The following OPA3 variants were observed in gnomAD, a reference collection of about 807,000 sequenced individuals.
The protein encoded by OPA3 is optic atrophy 3 protein.
Under a neutral mutation model 4.0 loss-of-function variants are expected in OPA3, and 6 were observed. The observed-to-expected ratio is 1.51, with a 90% CI of 0.83 to 2.99. OPA3 has a LOEUF of 2.99. OPA3 is among the 30% of genes most tolerant of loss of function. The pLI is 0.00. For synonymous variants in OPA3, 105 were observed against 117.1 expected (o/e 0.90, Z 0.67); for missense variants, 235 against 256.2 (o/e 0.92, Z 0.56).
At chr19:45,529,743 T>C (rs992615389) in intron 1 of OPA3, among the ~76,000 whole-genome samples, 32 of 152,178 alleles carry the variant, frequency 2.1e-4, no homozygotes, top group African/African-American at 7.5e-4. Context: ...TAATTTTTCT[T>C]TTTTTGAGCC....
At chr19:45,560,607 CT>C (rs1183069255) in intron 1 of OPA3, among the ~76,000 whole-genome samples, 1 of 152,114 alleles carries the variant, frequency 6.6e-6, no homozygotes, top group Non-Finnish European at 1.5e-5. Context: ...TCCAGGCCCC[CT>C]CTACACATCT....
intron 1 of OPA3, among the ~76,000 whole-genome samples, chr19:45,566,107 AT>A (rs1292457314): frequency 6.6e-6 from 1 of 152,176 alleles, no homozygotes; most frequent in Non-Finnish European, 1.5e-5. Context: ...ATCAAGTGGG[AT>A]TTCTGCAGGA....
At chr19:45,542,289 C>A (rs138966198), downstream of OPA3, among the ~76,000 whole-genome samples, 61 of 152,292 alleles carry the variant, frequency 4.0e-4, no homozygotes, top group East Asian at 0.011. Flanking sequence ...GCCCTGCCAA[C>A]CTGTTCCCGG....
chr19:45,572,805 C>CTATATATATAGATATATATCTCGA (rs1196281118), intron 1 of OPA3, among the ~76,000 whole-genome samples: 2 of 83,022 alleles, frequency 2.4e-5, no homozygotes, highest in East Asian at 8.4e-4. Flanking sequence ...ATATATCATA[C>CTATATATATAGATATATATCTCGA]TATATATATA....
At chr19:45,583,912 A>T (rs1969892621) in intron 1 of OPA3, among the ~76,000 whole-genome samples, 1 of 152,072 alleles carries the variant, frequency 6.6e-6, no homozygotes, top group Non-Finnish European at 1.5e-5. Context: ...CACTTTCCCG[A>T]CCACTCTGGG....
intron 1 of OPA3, among the ~76,000 whole-genome samples, chr19:45,532,726 G>T (rs564904522): frequency 6.6e-6 from 1 of 152,006 alleles, no homozygotes; most frequent in East Asian, 1.9e-4. Context: ...TGTCCATTCG[G>T]CTTTAAAATT....
exon 2 of OPA3, chr19:45,529,249 A>G (rs1481272922): frequency 6.2e-7 from 1 of 1,613,646 alleles, no homozygotes; most frequent in African/African-American, 1.3e-5. Flanking sequence ...CTCCCTGGCA[A>G]CACGTCGCTC....
At chr19:45,575,240 C>A (rs999846985) in intron 1 of OPA3, among the ~76,000 whole-genome samples, 2 of 151,896 alleles carry the variant, frequency 1.3e-5, no homozygotes, top group Non-Finnish European at 2.9e-5. Context: ...GAAGCTGGGA[C>A]CACAGGTACC....
chr19:45,536,854 T>G (rs1969124315), intron 1 of OPA3, among the ~76,000 whole-genome samples: 1 of 152,044 alleles, frequency 6.6e-6, no homozygotes, highest in Non-Finnish European at 1.5e-5. Flanking sequence ...AACCTTAACA[T>G]CTACCTCACA....
At chr19:45,530,134 A>G (rs1969043298) in intron 1 of OPA3, among the ~76,000 whole-genome samples, 1 of 152,108 alleles carries the variant, frequency 6.6e-6, no homozygotes, top group Non-Finnish European at 1.5e-5. Context: ...TGGGTGGCTC[A>G]GTTGAGATCA....
exon 2 of OPA3, chr19:45,529,372 G>A (rs774673258): frequency 1.7e-5 from 28 of 1,614,216 alleles, no homozygotes; most frequent in Non-Finnish European, 2.4e-5. Flanking sequence ...CAGCTCGGCG[G>A]CTGCACCCTC....
At chr19:45,556,428 T>C (rs1199683853) in intron 1 of OPA3, among the ~76,000 whole-genome samples, 1 of 151,848 alleles carries the variant, frequency 6.6e-6, no homozygotes, top group Non-Finnish European at 1.5e-5. Context: ...TCCATCACAG[T>C]TCACTGCAAC....
chr19:45,562,338 C>A, intron 1 of OPA3, among the ~76,000 whole-genome samples: 3 of 73,960 alleles, frequency 4.1e-5, no homozygotes, highest in African/African-American at 6.0e-5. Context: ...AGTGAGACTC[C>A]ATCTCAAAAA....
Position 45,553,177 on chromosome 19 carries a change from G to T in OPA3, c.*337C>A. 7.7e-7 allele frequency: 1 copy of T among 1,297,100 alleles called. No homozygotes were observed. The highest frequency in any genetic ancestry group is 9.9e-7 in the Non-Finnish European group (1 of 1,014,836). 80.3% of individuals were successfully genotyped at this position (1,297,100 alleles called of 1,614,324 possible). ...ACTGATCAGGTAAACCGGGGGTGGG[G>T]GTAACAATAACACATTGATTCAGCT... On this transcript the variant is annotated 3_prime_UTR_variant, in exon 2 of 2. Transcript: ENST00000263275.
exon 2 of OPA3, chr19:45,528,952 G>T: frequency 7.2e-7 from 1 of 1,381,744 alleles, no homozygotes; most frequent in Non-Finnish European, 9.8e-7. Context: ...ACTGGGTGGT[G>T]TCAGCTGGGC....
intron 1 of OPA3, among the ~76,000 whole-genome samples, chr19:45,570,614 G>C (rs1465174369): frequency 6.6e-6 from 1 of 152,170 alleles, no homozygotes; most frequent in Non-Finnish European, 1.5e-5. Flanking sequence ...TTGAACCTGG[G>C]AGGTGGAGGC....
chr19:45,573,468 A>C (rs1463819332), intron 1 of OPA3, among the ~76,000 whole-genome samples: 2 of 152,160 alleles, frequency 1.3e-5, no homozygotes, highest in Non-Finnish European at 2.9e-5. Context: ...TAAACAAATA[A>C]AATGAATAAA....
chr19:45,531,689 A>T (rs1969062724), intron 1 of OPA3, among the ~76,000 whole-genome samples: 1 of 152,206 alleles, frequency 6.6e-6, no homozygotes, highest in Non-Finnish European at 1.5e-5. Context: ...ATGAGATGAT[A>T]AATTCTAGCC....
intron 1 of OPA3, among the ~76,000 whole-genome samples, chr19:45,581,421 T>C (rs1191954399): frequency 1.3e-5 from 2 of 152,286 alleles, no homozygotes; most frequent in Non-Finnish European, 2.9e-5. Flanking sequence ...CAGGTCCCAA[T>C]TCAGATGTCT....
Sources: gnomAD v4.1 joint callset for allele counts (sites outside exome capture counted in the v4.1 genomes callset) on GRCh38, gnomAD v4.1.1 for gene constraint, MANE v1.5 for transcripts, NCBI Gene and HGNC (gene_info 2026-07-23, HGNC 2026-07-21) for gene names.